The following CRMP1 variants were observed in gnomAD, a reference collection of about 807,000 sequenced individuals.
The protein encoded by CRMP1 is collapsin response mediator protein 1.
Under a neutral mutation model 68.3 loss-of-function variants are expected in CRMP1, and 19 were observed. That is an observed-to-expected ratio of 0.28 (90% CI 0.19 to 0.41). CRMP1 has a LOEUF of 0.41. Among genes scored for constraint, CRMP1 ranks in the 10% least tolerant of loss-of-function variants. The pLI is 1.00. For synonymous variants in CRMP1, 439 were observed against 399.6 expected (o/e 1.10, Z -1.18); for missense variants, 791 against 967.4 (o/e 0.82, Z 2.42).
At position 5,859,568 on chromosome 4, in the gene CRMP1, G is replaced by C. The variant is rs964865463; in HGVS notation, c.655+1458C>G. Reference sequence around the variant, plus strand: ...CCACCATAAGGCCCACATTATAGATGAGGAAGCTGAGGCTCAGAGAGGCTG... The same window carrying C: ...CCACCATAAGGCCCACATTATAGATCAGGAAGCTGAGGCTCAGAGAGGCTG... On this transcript the variant is annotated intron_variant, in intron 3 of 13. Transcript: ENST00000324989. The surrounding 1 kb of genome is among the most constrained non-coding windows in gnomAD (Gnocchi z 5.2). 1.3e-5 allele frequency among the ~76,000 whole-genome samples: 2 copies of C among 152,250 alleles called. No homozygotes were observed. The highest frequency in any genetic ancestry group is 2.9e-5 in the Non-Finnish European group (2 of 68,054).
chr4:5,892,611 G>A lies in CRMP1; in HGVS notation c.359C>T (p.Pro120Leu). 1 of 1,187,680 alleles carries A rather than the reference G, an allele frequency of 8.4e-7. No individual in the cohort carries two copies. Among genetic ancestry groups the A allele is most frequent in the Non-Finnish European group, 1.0e-6 (1 of 959,552 alleles). 73.6% of individuals were successfully genotyped at this position (1,187,680 alleles called of 1,614,324 possible). Residue 120 changes from proline (P) to leucine (L), a missense_variant, in exon 1 of 14, where the codon CCC (proline) becomes CTC (leucine). By Grantham distance (98) the Pro-to-Leu change is moderately conservative. Coordinates refer to ENST00000324989, the MANE Select transcript of CRMP1 (RefSeq NM_001014809.3). The surrounding 1 kb of genome is among the most constrained non-coding windows in gnomAD (Gnocchi z 8.6). The part of the protein sequence containing the change: ...RIRRPAPRDL[P>L]LGRDNGQSDR... ...TACCTGGCCATTGTCCCGGCCGAGG[G>A]GCAGGTCGCGGGGCGCGGGGCGGCG...
rs73208624 is a variant in CRMP1 at position 5,851,981 on chromosome 4, G to A, written c.821-512C>T. Among the ~76,000 whole-genome samples the A allele has an allele frequency of 9.1e-3, 446 of 49,240 alleles. 1 individual carries two copies. Among genetic ancestry groups the A allele is most frequent in the African/African-American group, 0.017 (308 of 18,326 alleles). 32.3% of individuals were successfully genotyped at this position (49,240 alleles called of 152,430 possible). On this transcript the variant is annotated intron_variant, in intron 4 of 13. Transcript: ENST00000324989. ...GAAGGAGGAAGAGGAAGAGGAGGAG[G>A]AAGAGGAAGAGGAGGAGAAAGAGGA...
intron 12 of CRMP1, among the ~76,000 whole-genome samples, chr4:5,827,669 TAC>T (rs1328537432): frequency 6.6e-6 from 1 of 150,942 alleles, no homozygotes; most frequent in Non-Finnish European, 1.5e-5. Context: ...TATGCACACA[TAC>T]ACACGTGCAT....
intron 11 of CRMP1, among the ~76,000 whole-genome samples, chr4:5,835,007 C>T (rs1720639914): frequency 1.3e-5 from 2 of 152,208 alleles, no homozygotes; most frequent in African/African-American, 2.4e-5. Flanking sequence ...TCTTATGAAA[C>T]TTCCTTGTGC....
chr4:5,839,265 A>T (rs1369903847), intron 9 of CRMP1, among the ~76,000 whole-genome samples: 2 of 152,214 alleles, frequency 1.3e-5, no homozygotes, highest in African/African-American at 4.8e-5. Context: ...GGTGCCTGCC[A>T]CAGAGCAGGT....
Position 5,843,045 on chromosome 4 carries a change from T to A in CRMP1, c.1032+48A>T. 1 of 1,566,746 alleles carries A rather than the reference T, an allele frequency of 6.4e-7. No homozygotes were observed. The highest frequency in any genetic ancestry group is 8.8e-7 in the Non-Finnish European group (1 of 1,138,226). ...CCAGCTGGAACAGCATCAAGGTGAG[T>A]GCTCAGTGGTGAGTGTCAGAGTCAT... On this transcript the variant is annotated intron_variant, in intron 7 of 13. Transcript: ENST00000324989. The surrounding 1 kb of genome is among the most constrained non-coding windows in gnomAD (Gnocchi z 4.1).
rs1711979747 is a variant in CRMP1, at chr4:5,843,833, T to G, written c.964-672A>C. Among the ~76,000 whole-genome samples, 1 of 152,192 alleles carries G rather than the reference T, an allele frequency of 6.6e-6. No individual in the cohort carries two copies. Among genetic ancestry groups the G allele is most frequent in the South Asian group, 2.1e-4 (1 of 4,826 alleles). On this transcript the variant is annotated intron_variant, in intron 6 of 13. Transcript: ENST00000324989. The surrounding 1 kb of genome is among the most constrained non-coding windows in gnomAD (Gnocchi z 4.1). The stretch of plus-strand genomic sequence containing the variant: ...TTCAGCTGCCTCTTCCTGGCATCTG[T>G]CTTTATGGCGGGAAACCACTACCTG...
At chr4:5,885,304 G>GA (rs894617845) in intron 1 of CRMP1, among the ~76,000 whole-genome samples, 7 of 152,130 alleles carry the variant, frequency 4.6e-5, no homozygotes, top group Middle Eastern at 3.2e-3. Context: ...CTGTGCAGAT[G>GA]AGACAGCTGA....
chr4:5,878,484 G>C (rs957171215), intron 1 of CRMP1, among the ~76,000 whole-genome samples: 2 of 152,116 alleles, frequency 1.3e-5, no homozygotes, highest in Admixed American at 1.3e-4. Flanking sequence ...GCTTTCTAGG[G>C]GAAATACATT....
chr4:5,828,985 A>C (rs1489064796), intron 11 of CRMP1, among the ~76,000 whole-genome samples: 1 of 152,176 alleles, frequency 6.6e-6, no homozygotes, highest in Non-Finnish European at 1.5e-5. Flanking sequence ...CATAAAAATA[A>C]GTAAAATGTT....
In CRMP1 at chr4:5,833,402, G is replaced by A. The variant is rs1204631851; in HGVS notation, c.1623+2513C>T. On this transcript the variant is annotated intron_variant, in intron 11 of 13. Transcript: ENST00000324989. ...GGGATGGTCTCGATCTCCTGACCTCGTGATCCGCCCGCCTCGGCCTCCCAA... is the reference window on the plus strand; with the variant it reads ...GGGATGGTCTCGATCTCCTGACCTCATGATCCGCCCGCCTCGGCCTCCCAA... 6.9e-5 allele frequency among the ~76,000 whole-genome samples: 6 copies of A among 87,002 alleles called. 1 individual carries two copies. Among genetic ancestry groups the A allele is most frequent in the African/African-American group, 1.5e-4 (3 of 20,088 alleles). 57.1% of individuals were successfully genotyped at this position (87,002 alleles called of 152,430 possible).
rs1715843751 is a variant in CRMP1 at position 5,889,546 on chromosome 4, G to A, written c.381+3043C>T. Reference sequence around the variant, plus strand: ...AGAGGGGAAAAGATGAAAGAAGATGGAGGAAAAGGGGGAGCCCCAGCAAGC... The same window carrying A: ...AGAGGGGAAAAGATGAAAGAAGATGAAGGAAAAGGGGGAGCCCCAGCAAGC... On this transcript the variant is annotated intron_variant, in intron 1 of 13. Transcript: ENST00000324989. This position sits in a 1 kb window ranked among gnomAD's most constrained non-coding sequence, Gnocchi z 4.5. 6.5e-7 allele frequency: 1 copy of A among 1,532,636 alleles called. No individual in the cohort carries two copies. Among genetic ancestry groups the A allele is most frequent in the African/African-American group, 1.4e-5 (1 of 73,048 alleles). The allele number at this position is 1,532,636 out of a possible 1,614,324, so 94.9% of individuals were successfully genotyped here.
Position 5,834,501 on chromosome 4 carries a change from G to A in CRMP1, c.1623+1414C>T, listed in dbSNP as rs181795069. 5.9e-5 allele frequency among the ~76,000 whole-genome samples: 9 copies of A among 152,182 alleles called. No individual in the cohort carries two copies. The highest frequency in any genetic ancestry group is 2.1e-4 in the South Asian group (1 of 4,822). ...AGCAAGAAGGCCTTTGCCAGATGCCGGCATTTTAATACTGAAATTCCCAGC... is the reference window on the plus strand; with the variant it reads ...AGCAAGAAGGCCTTTGCCAGATGCCAGCATTTTAATACTGAAATTCCCAGC... On this transcript the variant is annotated intron_variant, in intron 11 of 13. Transcript: ENST00000324989. The surrounding 1 kb of genome is among the most constrained non-coding windows in gnomAD (Gnocchi z 4.3).
In CRMP1 at chr4:5,825,587, A is replaced by G. The variant is rs1719425196; in HGVS notation, c.1876T>C (p.Tyr626His). 1.2e-6 allele frequency: 2 copies of G among 1,602,146 alleles called. No homozygotes were observed. Among genetic ancestry groups the G allele is most frequent in the African/African-American group, 1.3e-5 (1 of 74,116 alleles). ...PVYEVPATPK[Y>H]ATPAPSAKSS... The stretch of plus-strand genomic sequence containing the variant: ...TTGGCTGAAGGAGCGGGAGTTGCAT[A>G]TTTGGGTGTAGCTGGTACCTCGTAC... Residue 626 changes from tyrosine to histidine, a missense_variant, in exon 13 of 14, where the codon TAT becomes CAT. Tyr to His is a moderately conservative substitution (Grantham distance 83, BLOSUM62 2). Transcript: ENST00000324989. This position sits in a 1 kb window ranked among gnomAD's most constrained non-coding sequence, Gnocchi z 4.4.
Position 5,849,385 on chromosome 4 carries a change from C to A in CRMP1, c.963+7G>T. ...AGGTAGAAGGAGTGGAAATTCTTGC[C>A]ACTCACCTGAGCTATCAAATCTCCA... is the stretch of plus-strand genomic sequence containing the variant. On this transcript the variant is annotated splice_region_variant and intron_variant, in intron 6 of 13. Coordinates refer to ENST00000324989, the MANE Select transcript of CRMP1 (RefSeq NM_001014809.3). The A allele has an allele frequency of 6.2e-7, 1 of 1,610,900 alleles. No individual in the cohort carries two copies. The highest frequency in any genetic ancestry group is 1.7e-5 in the Admixed American group (1 of 59,892).
At chr4:5,887,180 C>G (rs575610835) in intron 1 of CRMP1, among the ~76,000 whole-genome samples, 98 of 152,384 alleles carry the variant, frequency 6.4e-4, no homozygotes, top group African/African-American at 2.3e-3. Flanking sequence ...CTGCAATACA[C>G]GGGACAGGCC....
intron 6 of CRMP1, among the ~76,000 whole-genome samples, chr4:5,848,836 A>T (rs1712415414): frequency 6.6e-6 from 1 of 152,188 alleles, no homozygotes; most frequent in South Asian, 2.1e-4. Context: ...TCTTCTCCTT[A>T]TAAAGCCACT....
At chr4:5,868,304 C>CTATATATAGATATATATAT (rs1714186861) in intron 1 of CRMP1, among the ~76,000 whole-genome samples, 2 of 70,052 alleles carry the variant, frequency 2.9e-5, no homozygotes, top group African/African-American at 9.9e-5. Flanking sequence ...TATATATATA[C>CTATATATAGATATATATAT]ATAATTTTTT....
intron 1 of CRMP1, among the ~76,000 whole-genome samples, chr4:5,878,610 T>C (rs1335225700): frequency 6.6e-6 from 1 of 152,138 alleles, no homozygotes; most frequent in Admixed American, 6.5e-5. Flanking sequence ...TGGATATGAA[T>C]GCAGAGGCCA....
Sources: allele counts gnomAD v4.1 joint callset (sites outside exome capture counted in the v4.1 genomes callset), GRCh38; gene constraint gnomAD v4.1.1; non-coding constraint Gnocchi (gnomAD v3.1); transcripts MANE v1.5; gene names NCBI Gene and HGNC (gene_info 2026-07-23, HGNC 2026-07-21).